PLS3: variants seen among roughly 807,000 people sequenced by gnomAD.
PLS3 encodes the protein plastin-3.
Under a neutral mutation model 46.5 loss-of-function variants are expected in PLS3, and 11 were observed. That is an observed-to-expected ratio of 0.24 (90% CI 0.15 to 0.39). The LOEUF (loss-of-function observed/expected upper bound fraction) is 0.39. PLS3 is among the 10% of genes least tolerant of loss of function. PLS3 has a pLI of 1.00. For missense variants in PLS3, 308 were observed against 461.8 expected, an observed-to-expected ratio of 0.67 and a Z score of 3.05; for synonymous variants, 167 against 162.2, an observed-to-expected ratio of 1.03 and a Z score of -0.22.
At chrX:115,641,274 C>T (rs1326903529) in intron 9 of PLS3, among the ~76,000 whole-genome samples, 2 of 92,423 alleles carry the variant, frequency 2.2e-5, no homozygotes, top group African/African-American at 8.5e-5. Context: ...GTTGCTGAGG[C>T]TGGAGTGCAG....
At chrX:115,624,850 C>T (rs2074694855) in intron 3 of PLS3, among the ~76,000 whole-genome samples, 1 of 111,933 alleles carries the variant, frequency 8.9e-6, no homozygotes, top group Non-Finnish European at 1.9e-5. Flanking sequence ...ATTATGTTTA[C>T]ACTCCTACAC....
chrX:115,570,894 CTTTTTTT>C (rs369920378), intron 1 of PLS3, among the ~76,000 whole-genome samples: 15 of 84,334 alleles, frequency 1.8e-4, no homozygotes, highest in Non-Finnish European at 2.7e-4. Context: ...TTAATTTATT[CTTTTTTT>C]TTTTTTTTTT....
intron 8 of PLS3, 152 bp downstream of exon 8, chrX:115,637,130 A>T: frequency 2.0e-6 from 1 of 491,324 alleles, no homozygotes; most frequent in Admixed American, 3.4e-5. Context: ...ATAGAGCCAG[A>T]TAAGGTACAT....
intron 1 of PLS3, among the ~76,000 whole-genome samples, chrX:115,593,353 A>T (rs1451657016): frequency 9.0e-6 from 1 of 110,798 alleles, no homozygotes; most frequent in Non-Finnish European, 1.9e-5. Context: ...AAAAAGGAAG[A>T]AGAAAAAAGA....
chrX:115,572,048 A>C (rs992480825), intron 1 of PLS3, among the ~76,000 whole-genome samples: 3 of 112,493 alleles, frequency 2.7e-5, no homozygotes, highest in Admixed American at 1.9e-4. Flanking sequence ...GGTAATTAAA[A>C]AGCAAATAGA....
chrX:115,566,307 G>C (rs1456105013), intron 1 of PLS3, among the ~76,000 whole-genome samples: 1 of 112,335 alleles, frequency 8.9e-6, no homozygotes, highest in Non-Finnish European at 1.9e-5. Flanking sequence ...ATATTATAAT[G>C]AAAAATAAGA....
chrX:115,630,908 CATGTATAT>C (rs1164105681), intron 5 of PLS3, among the ~76,000 whole-genome samples: 55 of 85,890 alleles, frequency 6.4e-4, no homozygotes, highest in African/African-American at 2.3e-3. Context: ...GTATATTATA[CATGTATAT>C]ATGTATATAT....
chrX:115,580,888 GTTTC>G (rs2074275855), intron 1 of PLS3, among the ~76,000 whole-genome samples: 1 of 111,469 alleles, frequency 9.0e-6, no homozygotes, highest in African/African-American at 3.3e-5. Flanking sequence ...TTAATTAGCA[GTTTC>G]TTTTTTATTT....
chrX:115,633,944 A>G, intron 5 of PLS3, 56 bp from the exon 6 acceptor site: 1 of 623,687 alleles, frequency 1.6e-6, no homozygotes, highest in South Asian at 2.4e-5. Flanking sequence ...GCCACTTTAT[A>G]AAAGGAAATC....
intron 5 of PLS3, among the ~76,000 whole-genome samples, chrX:115,631,618 A>G (rs2074776642): frequency 9.0e-6 from 1 of 110,827 alleles, no homozygotes; most frequent in Non-Finnish European, 1.9e-5. Flanking sequence ...CTTTAGTCCC[A>G]GCTACTTGAG....
chrX:115,579,885 A>G (rs2074270555), intron 1 of PLS3, among the ~76,000 whole-genome samples: 2 of 110,499 alleles, frequency 1.8e-5, no homozygotes, highest in African/African-American at 6.6e-5. Context: ...GGTGCACACC[A>G]CCATTTTATT....
At chrX:115,576,902 C>T (rs2074252441) in intron 1 of PLS3, among the ~76,000 whole-genome samples, 1 of 112,524 alleles carries the variant, frequency 8.9e-6, no homozygotes, top group South Asian at 3.7e-4. Context: ...AGTGTGCCAT[C>T]GTTTGAAGAG....
chrX:115,650,499 C>A lies in PLS3; in HGVS notation c.*938C>A, dbSNP rs1405975820. On this transcript the variant is annotated 3_prime_UTR_variant, in exon 16 of 16. Transcript: ENST00000355899. ...TACAATATATTTTTTAATTTTACACCTGAAACAAAGAAATGTGGTCACTAA... is the reference window on the plus strand; with the variant it reads ...TACAATATATTTTTTAATTTTACACATGAAACAAAGAAATGTGGTCACTAA... 1 of 111,635 alleles carries A rather than the reference C, an allele frequency of 9.0e-6. No homozygotes were observed. The highest frequency in any genetic ancestry group is 1.9e-5 in the Non-Finnish European group (1 of 53,072). The allele number at this position is 111,635 out of a possible 1,213,427, so 9.2% of individuals were successfully genotyped here. A position where few individuals can be genotyped will look rare whatever the true frequency, so the allele number is the denominator to read the frequency against.
chrX:115,636,635 A>G (rs1400296356), intron 7 of PLS3, among the ~76,000 whole-genome samples: 1 of 112,026 alleles, frequency 8.9e-6, no homozygotes, highest in Admixed American at 9.5e-5. Context: ...TAACAGAGAA[A>G]AGAATAAATT....
chrX:115,606,165 CTTTTT>C (rs782575149), intron 1 of PLS3, among the ~76,000 whole-genome samples: 21 of 30,284 alleles, frequency 6.9e-4, no homozygotes, highest in Non-Finnish European at 1.0e-3. Flanking sequence ...CTTTTCTTTT[CTTTTT>C]TTTTTTTTTT....
intron 7 of PLS3, 60 bp from the exon 8 acceptor site, chrX:115,636,776 C>A: frequency 1.9e-6 from 2 of 1,049,182 alleles, no homozygotes; most frequent in South Asian, 2.2e-5. Context: ...ACTGAATGAA[C>A]TTGGCATGAC....
intron 1 of PLS3, among the ~76,000 whole-genome samples, chrX:115,569,403 C>A (rs782793307): frequency 9.0e-4 from 101 of 111,929 alleles, no homozygotes; most frequent in African/African-American, 3.1e-3. Flanking sequence ...GGCTAAATGA[C>A]TATTTGCTGA....
chrX:115,601,080 C>T (rs1054226980), intron 1 of PLS3, among the ~76,000 whole-genome samples: 10 of 110,311 alleles, frequency 9.1e-5, no homozygotes, highest in African/African-American at 3.0e-4. Flanking sequence ...ATCTTGGGTG[C>T]GGACAATCTG....
intron 1 of PLS3, among the ~76,000 whole-genome samples, chrX:115,586,467 G>A (rs1303012293): frequency 1.0e-5 from 1 of 100,101 alleles, no homozygotes; most frequent in Non-Finnish European, 2.0e-5. Context: ...CCAGGAGTTC[G>A]AGACTAGCCT....
Sources: gnomAD v4.1 joint callset for allele counts (sites outside exome capture counted in the v4.1 genomes callset) on GRCh38, gnomAD v4.1.1 for gene constraint, MANE v1.5 for transcripts, NCBI Gene and HGNC (gene_info 2026-07-23, HGNC 2026-07-21) for gene names.